LINGO1: variants seen among roughly 807,000 people sequenced by gnomAD.
LINGO1 encodes the protein leucine-rich repeat and immunoglobulin-like domain-containing nogo receptor-interacting protein 1.
Under a neutral mutation model 37.3 loss-of-function variants are expected in LINGO1, and 11 were observed. The observed-to-expected ratio is 0.29, with a 90% CI of 0.19 to 0.49. The LOEUF (loss-of-function observed/expected upper bound fraction) is 0.49, where lower values mean the gene tolerates loss of function less well. Among genes scored for constraint, LINGO1 ranks in the 20% least tolerant of loss-of-function variants. The pLI, the probability that LINGO1 is intolerant of heterozygous loss-of-function variation, is 0.99. For missense variants in LINGO1, 585 were observed against 878.2 expected, an observed-to-expected ratio of 0.67 and a Z score of 4.22; for synonymous variants, 387 against 403.0, an observed-to-expected ratio of 0.96 and a Z score of 0.48.
chr15:77,777,265 G>T lies in LINGO1; in HGVS notation c.-257+9604C>A, dbSNP rs1306150738. Among the ~76,000 whole-genome samples, 5 of 27,564 alleles carry T rather than the reference G, an allele frequency of 1.8e-4. No homozygotes were observed. The South Asian group carries it at 7.1e-3, about 39-fold the overall frequency. The allele number at this position is 27,564 out of a possible 152,430, so 18.1% of individuals were successfully genotyped here. ...TGATTACTGTCGTTGTTATCATGGT[G>T]GGGGGGTCCAACCCCATCACTGTAG... On this transcript the variant is annotated intron_variant, in intron 1 of 3. Transcript: ENST00000561686.
At chr15:77,687,622 G>A (rs572116545) in intron 2 of LINGO1, among the ~76,000 whole-genome samples, 20 of 152,352 alleles carry the variant, frequency 1.3e-4, no homozygotes, top group African/African-American at 4.8e-4. Flanking sequence ...AAAACACAGT[G>A]AGGACAGTCA....
At chr15:77,646,563 C>T (rs539792344) in intron 3 of LINGO1, 2 of 390,978 alleles carry the variant, frequency 5.1e-6, no homozygotes, top group African/African-American at 2.1e-5. Context: ...GGGGTTTCCC[C>T]CACTTCCAAG....
chr15:77,792,812 T>C (rs889076673), intron 2 of LINGO1, among the ~76,000 whole-genome samples: 5 of 152,208 alleles, frequency 3.3e-5, no homozygotes, highest in African/African-American at 1.2e-4. Flanking sequence ...CAATGCCTCA[T>C]GTGTAGCAGG....
Position 77,632,325 on chromosome 15 carries a change from G to C in LINGO1, c.-10C>G. 7.0e-7 allele frequency: 1 copy of C among 1,438,428 alleles called. No homozygotes were observed. The highest frequency in any genetic ancestry group is 9.1e-7 in the Non-Finnish European group (1 of 1,096,290). 89.1% of individuals were successfully genotyped at this position (1,438,428 alleles called of 1,614,324 possible). A position where few individuals can be genotyped will look rare whatever the true frequency, so the allele number is the denominator to read the frequency against. ...CCTGGCTCACCTGCATCTCGGGCGC[G>C]CCTTCGGTCCGCTCGGCTCGGTCAC... On this transcript the variant is annotated 5_prime_UTR_variant, in exon 1 of 2. Coordinates refer to ENST00000355300, the MANE Select transcript of LINGO1 (RefSeq NM_032808.7). The surrounding 1 kb of genome is among the most constrained non-coding windows in gnomAD (Gnocchi z 6.0).
At chr15:77,779,499 T>C (rs763713254) in intron 1 of LINGO1, among the ~76,000 whole-genome samples, 6 of 152,076 alleles carry the variant, frequency 3.9e-5, no homozygotes, top group African/African-American at 7.2e-5. Context: ...AACTAGATTG[T>C]CCCATCTGGG....
At chr15:77,788,589 C>T (rs2076793765), upstream of LINGO1, 1 of 152,262 alleles carries the variant, frequency 6.6e-6, no homozygotes, top group South Asian at 2.1e-4. Context: ...CCAGGACCAC[C>T]TCTGTGTCCC....
chr15:77,803,172 C>T (rs1323093780), intron 1 of LINGO1, among the ~76,000 whole-genome samples: 3 of 152,200 alleles, frequency 2.0e-5, no homozygotes, highest in African/African-American at 7.2e-5. Flanking sequence ...CACCCTCATC[C>T]CCTAAGCTGT....
At position 77,632,358 on chromosome 15, in the gene LINGO1, A is replaced by AC; in HGVS notation, c.-44_-43insG. ...TCCGCTCGGCTCGGTCACCAATCGC[A>AC]TGTCTCTCCAGCCGGCCCGACCAGG... On this transcript the variant is annotated 5_prime_UTR_variant, in exon 1 of 2. The change abolishes an upstream ATG in the 5' untranslated region. Coordinates refer to ENST00000355300, the MANE Select transcript of LINGO1 (RefSeq NM_032808.7). The surrounding 1 kb of genome is among the most constrained non-coding windows in gnomAD (Gnocchi z 6.0). The AC allele has an allele frequency of 7.1e-7, 1 of 1,405,892 alleles. No individual in the cohort carries two copies. The highest frequency in any genetic ancestry group is 9.3e-7 in the Non-Finnish European group (1 of 1,077,178). 87.1% of individuals were successfully genotyped at this position (1,405,892 alleles called of 1,614,324 possible). A position where few individuals can be genotyped will look rare whatever the true frequency, so the allele number is the denominator to read the frequency against.
chr15:77,761,034 C>T (rs1390979489), intron 1 of LINGO1, among the ~76,000 whole-genome samples: 2 of 141,834 alleles, frequency 1.4e-5, no homozygotes, highest in African/African-American at 5.3e-5. Context: ...TCAGGTGATT[C>T]TTTCGCCTCA....
Position 77,615,483 on chromosome 15 carries a change from G to T in LINGO1, c.424C>A (p.Leu142Ile). 1 of 1,614,046 alleles carries T rather than the reference G, an allele frequency of 6.2e-7. No individual in the cohort carries two copies. The highest frequency in any genetic ancestry group is 8.5e-7 in the Non-Finnish European group (1 of 1,179,890). Residue 142 changes from leucine (L) to isoleucine (I), a missense_variant, in exon 2 of 2, where the codon CTC becomes ATC. By Grantham distance (5) the Leu-to-Ile change is conservative. Coordinates refer to ENST00000355300, the MANE Select transcript of LINGO1 (RefSeq NM_032808.7). ...KLIPLGVFTG[L>I]SNLTKLDISE... ...ATGTCCAGCTTGGTCAGGTTGCTGAGGCCAGTGAAGACGCCTAGCGGGATG... is the reference window on the plus strand; with the variant it reads ...ATGTCCAGCTTGGTCAGGTTGCTGATGCCAGTGAAGACGCCTAGCGGGATG...
intron 3 of LINGO1, among the ~76,000 whole-genome samples, chr15:77,664,169 G>GCA (rs775103177): frequency 8.4e-5 from 12 of 142,656 alleles, no homozygotes; most frequent in African/African-American, 3.4e-4. Flanking sequence ...GTGTGTGTGT[G>GCA]TGCGCGCGCG....
chr15:77,635,473 G>A (rs1487511891), upstream of LINGO1, among the ~76,000 whole-genome samples: 1 of 152,158 alleles, frequency 6.6e-6, no homozygotes, highest in Non-Finnish European at 1.5e-5. Flanking sequence ...CTCTCCTGTC[G>A]GGTGGGGTGG....
At chr15:77,621,156 G>GGCC (rs2073906394) in intron 1 of LINGO1, among the ~76,000 whole-genome samples, 3 of 151,866 alleles carry the variant, frequency 2.0e-5, no homozygotes, top group Admixed American at 6.6e-5. Context: ...CCAGGTTCAA[G>GGCC]TGATTTTCTG....
intron 1 of LINGO1, among the ~76,000 whole-genome samples, chr15:77,619,702 T>TAAAATA (rs571149010): frequency 6.8e-6 from 1 of 147,008 alleles, no homozygotes; most frequent in Non-Finnish European, 1.5e-5. Context: ...AAACAATAAA[T>TAAAATA]AAATAAAATA....
rs1160672880 is a variant in LINGO1, at chr15:77,766,316, A to C, written c.-257+20553T>G. 2.7e-4 allele frequency among the ~76,000 whole-genome samples: 39 copies of C among 146,500 alleles called. No individual in the cohort carries two copies. In the South Asian group the frequency reaches 3.8e-3, roughly 14 times the overall value. ...CTGTCTCAAAAAAAAAAAAAAAAAA[A>C]ACACACAAACAGAGAGAGAGAGAAA... On this transcript the variant is annotated intron_variant, in intron 1 of 3. Coordinates refer to the LINGO1 transcript ENST00000561686.
chr15:77,734,111 C>G (rs7174507), intron 2 of LINGO1, among the ~76,000 whole-genome samples: 19,589 of 152,116 alleles, frequency 0.13, 1,691 homozygotes, highest in African/African-American at 0.24. Context: ...TAGGCCAGGG[C>G]AGGGTGGAGG....
intron 1 of LINGO1, among the ~76,000 whole-genome samples, chr15:77,775,433 C>T (rs924707325): frequency 6.6e-6 from 1 of 152,174 alleles, no homozygotes; most frequent in Admixed American, 6.5e-5. Flanking sequence ...CTGCCTGCCA[C>T]CTCCTGTTAC....
intron 2 of LINGO1, among the ~76,000 whole-genome samples, chr15:77,717,663 C>A (rs58398016): frequency 0.016 from 2,345 of 150,986 alleles, 104 homozygotes; most frequent in African/African-American, 0.054. Flanking sequence ...TTAGCTGGCA[C>A]TAAGAAGGAA....
At chr15:77,810,691 C>T (rs571097705) in intron 1 of LINGO1, among the ~76,000 whole-genome samples, 1 of 152,212 alleles carries the variant, frequency 6.6e-6, no homozygotes, top group Non-Finnish European at 1.5e-5. Flanking sequence ...TCTAAGTACG[C>T]CTTCTAGTTC....
Sources: allele counts gnomAD v4.1 joint callset (sites outside exome capture counted in the v4.1 genomes callset), GRCh38; gene constraint gnomAD v4.1.1; non-coding constraint Gnocchi (gnomAD v3.1); transcripts MANE v1.5; gene names NCBI Gene and HGNC (gene_info 2026-07-23, HGNC 2026-07-21).